ELMO2: variants seen among roughly 807,000 people sequenced by gnomAD.
The protein encoded by ELMO2 is engulfment and cell motility protein 2.
Under a neutral mutation model 96.2 loss-of-function variants are expected in ELMO2, and 37 were observed. The observed-to-expected ratio is 0.38, with a 90% confidence interval of 0.30 to 0.51. The LOEUF (loss-of-function observed/expected upper bound fraction) is 0.51, where lower values mean the gene tolerates loss of function less well. ELMO2 is among the 20% of genes least tolerant of loss of function. The probability of loss-of-function intolerance (pLI) is 0.88; values close to 1 mark genes in which losing one functional copy is unlikely to be tolerated. For synonymous variants in ELMO2, 315 were observed against 329.4 expected, an observed-to-expected ratio of 0.96 and a Z score of 0.47; for missense variants, 561 against 912.6, an observed-to-expected ratio of 0.61 and a Z score of 4.96.
intron 20 of ELMO2, 45 bp from the exon 21 acceptor site, chr20:46,369,013 G>A: frequency 6.3e-7 from 1 of 1,583,358 alleles, no homozygotes; most frequent in Non-Finnish European, 8.7e-7. Flanking sequence ...ACAGCCTGGG[G>A]TCTGCACATC....
intron 10 of ELMO2, chr20:46,382,133 T>G: frequency 8.4e-4 from 1,003 of 1,196,964 alleles, no homozygotes; most frequent in Non-Finnish European, 1.0e-3. Flanking sequence ...GATCAGACCA[T>G]GAGATTCTTG....
chr20:46,375,371 C>T lies in ELMO2; in HGVS notation c.931-1G>A, dbSNP rs374724039. On this transcript the variant is annotated splice_acceptor_variant, in intron 12 of 21. Coordinates refer to ENST00000290246, the MANE Select transcript of ELMO2 (RefSeq NM_133171.5). LOFTEE classifies it high-confidence loss of function. The surrounding 1 kb of genome is among the most constrained non-coding windows in gnomAD (Gnocchi z 4.6). ...GTTCAAATATGATGTCCCTTTGAGC[C>T]TGCGAGGTGAAACAGACAGTCAGCA... 1 of 1,613,644 alleles carries T rather than the reference C, an allele frequency of 6.2e-7. No homozygotes were observed. The highest frequency in any genetic ancestry group is 8.5e-7 in the Non-Finnish European group (1 of 1,179,592).
At chr20:46,389,506 G>A (rs140084132) in intron 6 of ELMO2, among the ~76,000 whole-genome samples, 46 of 152,286 alleles carry the variant, frequency 3.0e-4, no homozygotes, top group African/African-American at 1.0e-3. Context: ...GCCCACTAAC[G>A]ATGGTAAGTC....
rs746714878 is a variant in ELMO2 at position 46,393,099 on chromosome 20, G to A, written c.237C>T (p.Ile79=). The change falls in exon 6 of 22, where the codon ATC becomes ATT. Residue 79 remains isoleucine, a synonymous_variant. Coordinates refer to ENST00000290246, the MANE Select transcript of ELMO2 (RefSeq NM_133171.5). ...AGGAAGAAAGAATACCTACCGGGGA[G>A]ATAGCCAGTTGTAAGATTGTCCCAT... The part of the protein sequence containing the change: ...IKNGTILQLA[I]SPSRAARQLM... The A allele has an allele frequency of 1.9e-6, 3 of 1,614,012 alleles. No homozygotes were observed. In the South Asian group the frequency reaches 3.3e-5, roughly 18 times the overall value.
At chr20:46,378,743 G>A (rs184369389) in intron 11 of ELMO2, among the ~76,000 whole-genome samples, 4 of 152,286 alleles carry the variant, frequency 2.6e-5, no homozygotes, top group Non-Finnish European at 4.4e-5. Flanking sequence ...CTGCCAATAC[G>A]AGCAAAGTGC....
chr20:46,382,529 G>A (rs564753022), intron 10 of ELMO2, among the ~76,000 whole-genome samples: 1 of 152,304 alleles, frequency 6.6e-6, no homozygotes, highest in Non-Finnish European at 1.5e-5. Flanking sequence ...TAGAATGTTA[G>A]TATTGGAAGG....
At chr20:46,403,389 C>A (rs2060367610) in intron 1 of ELMO2, among the ~76,000 whole-genome samples, 1 of 152,206 alleles carries the variant, frequency 6.6e-6, no homozygotes, top group African/African-American at 2.4e-5. Flanking sequence ...TCTAGTGACT[C>A]ACATGAAACC....
intron 15 of ELMO2, 101 bp downstream of exon 15, chr20:46,374,231 C>T (rs2059802684): frequency 2.2e-6 from 2 of 918,730 alleles, no homozygotes; most frequent in African/African-American, 1.6e-5. Flanking sequence ...TGTGAACCAC[C>T]ACGCCCGACC....
At chr20:46,399,264 T>C (rs1212990010) in intron 1 of ELMO2, among the ~76,000 whole-genome samples, 2 of 152,220 alleles carry the variant, frequency 1.3e-5, no homozygotes, top group Non-Finnish European at 2.9e-5. Context: ...GAACTCACCA[T>C]TGTAACAGAA....
At position 46,367,440 on chromosome 20, in the gene ELMO2, C is replaced by T. The variant is rs1376912956; in HGVS notation, c.2083G>A (p.Glu695Lys). ...MEMKLRLLDL[E>K]NIQIPEAPPP... ...GGGGCTTCGGGAATCTGGATGTTCT[C>T]CAGGTCCAGGAGCCGCAGCTTCATC... The change falls in exon 22 of 22, where the codon GAG (glutamate) becomes AAG (lysine). Residue 695 changes from glutamate to lysine, a missense_variant. Transcript: ENST00000290246. 6.2e-7 allele frequency: 1 copy of T among 1,613,038 alleles called. No homozygotes were observed. Among genetic ancestry groups the T allele is most frequent in the Non-Finnish European group, 8.5e-7 (1 of 1,179,712 alleles).
intron 7 of ELMO2, among the ~76,000 whole-genome samples, chr20:46,388,339 G>A (rs2060086197): frequency 6.6e-6 from 1 of 152,178 alleles, no homozygotes; most frequent in Non-Finnish European, 1.5e-5. Flanking sequence ...ACTCGATTTG[G>A]CTAACAATTT....
chr20:46,389,755 G>A (rs888678437), intron 6 of ELMO2, among the ~76,000 whole-genome samples: 18 of 151,994 alleles, frequency 1.2e-4, no homozygotes, highest in African/African-American at 4.1e-4. Context: ...AGGCTGAGGT[G>A]GGAAGACTGC....
chr20:46,383,426 T>C lies in ELMO2; in HGVS notation c.746A>G (p.Asp249Gly). The C allele has an allele frequency of 6.2e-7, 1 of 1,614,158 alleles. No homozygotes were observed. Among genetic ancestry groups the C allele is most frequent in the Admixed American group, 1.7e-5 (1 of 60,028 alleles). Reference sequence around the variant, plus strand: ...AAGGCAGCCACAGACCTGTCGTTTGTCCTCAGGAGCCTTCAGAAAAAGTGC... The same window carrying C: ...AAGGCAGCCACAGACCTGTCGTTTGCCCTCAGGAGCCTTCAGAAAAAGTGC... ...INALFLKAPE[D>G]KRQDMANAFA... The change falls in exon 10 of 22, where the codon GAC (aspartate) becomes GGC (glycine). Residue 249 changes from aspartate (D) to glycine (G), a missense_variant. Asp to Gly is a moderately conservative substitution (Grantham distance 94). Transcript: ENST00000290246.
intron 9 of ELMO2, among the ~76,000 whole-genome samples, chr20:46,385,236 T>C (rs956723106): frequency 3.3e-5 from 5 of 152,196 alleles, no homozygotes; most frequent in Non-Finnish European, 7.3e-5. Context: ...CACCACTGTT[T>C]TGCAAAGTCC....
rs910831114 is a variant in ELMO2, at chr20:46,371,194, G to A, written c.1801+158C>T. ...CATTGTTTCTCCAAACCACCCCACC[G>A]AGTAGGCCAGGTAGAGGAAATCGCT... On this transcript the variant is annotated intron_variant, in intron 19 of 21. Transcript: ENST00000290246. The surrounding 1 kb of genome is among the most constrained non-coding windows in gnomAD (Gnocchi z 5.9). Among the ~76,000 whole-genome samples, 2 of 152,110 alleles carry A rather than the reference G, an allele frequency of 1.3e-5. No individual in the cohort carries two copies. The highest frequency in any genetic ancestry group is 4.8e-5 in the African/African-American group (2 of 41,418).
At chr20:46,387,292 C>T (rs1600859716) in intron 8 of ELMO2, 46 bp downstream of exon 8, 2 of 1,545,164 alleles carry the variant, frequency 1.3e-6, no homozygotes, top group African/African-American at 1.4e-5. Flanking sequence ...GCCTTGTGAA[C>T]TGGCAGCTGA....
chr20:46,389,841 T>A (rs2060120437), intron 6 of ELMO2, among the ~76,000 whole-genome samples: 1 of 151,748 alleles, frequency 6.6e-6, no homozygotes, highest in Non-Finnish European at 1.5e-5. Context: ...AGAGCAAGAC[T>A]CTCTCTCAAA....
chr20:46,375,445 C>T lies in ELMO2; in HGVS notation c.931-75G>A, dbSNP rs888250769. On this transcript the variant is annotated intron_variant, in intron 12 of 21. Transcript: ENST00000290246. This position sits in a 1 kb window ranked among gnomAD's most constrained non-coding sequence, Gnocchi z 4.6. ...CAAGGAAAAGAAACAGTGGGTCAGG[C>T]TTTTCTGGGCCAAACTTTGGCCCCA... 8.9e-6 allele frequency: 14 copies of T among 1,571,332 alleles called. 1 individual carries two copies. In the African/African-American group the frequency reaches 1.8e-4, roughly 20 times the overall value.
intron 6 of ELMO2, 106 bp downstream of exon 6, chr20:46,392,987 T>TTG: frequency 9.8e-7 from 1 of 1,019,046 alleles, no homozygotes; most frequent in Non-Finnish European, 1.5e-6. Context: ...AAAGACTGAC[T>TTG]TTCTTATCTC....
Sources: allele counts gnomAD v4.1 joint callset (sites outside exome capture counted in the v4.1 genomes callset), GRCh38; gene constraint gnomAD v4.1.1; non-coding constraint Gnocchi (gnomAD v3.1); transcripts MANE v1.5; gene names NCBI Gene and HGNC (gene_info 2026-07-23, HGNC 2026-07-21).